PRKG1: variants seen among roughly 807,000 people sequenced by gnomAD.
PRKG1 encodes the protein cGMP-dependent protein kinase 1.
Under a neutral mutation model 88.1 loss-of-function variants are expected in PRKG1, and 35 were observed. The observed-to-expected ratio is 0.40, with a 90% CI of 0.30 to 0.53. The LOEUF (loss-of-function observed/expected upper bound fraction) is 0.53, where lower values mean the gene tolerates loss of function less well. Among genes scored for constraint, PRKG1 ranks in the 20% least tolerant of loss-of-function variants. PRKG1 has a pLI of 0.59. For synonymous variants in PRKG1, 303 were observed against 292.5 expected, an observed-to-expected ratio of 1.04 and a Z score of -0.37; for missense variants, 540 against 839.8, an observed-to-expected ratio of 0.64 and a Z score of 4.41.
At chr10:51,094,608 A>G (rs1844485250) in intron 1 of PRKG1, among the ~76,000 whole-genome samples, 1 of 152,030 alleles carries the variant, frequency 6.6e-6, no homozygotes, top group Non-Finnish European at 1.5e-5. Context: ...GGATTCTGTA[A>G]CATCCACTGG....
intron 2 of PRKG1, among the ~76,000 whole-genome samples, chr10:51,441,061 A>C (rs1839090827): frequency 6.6e-6 from 1 of 151,966 alleles, no homozygotes; most frequent in Admixed American, 6.6e-5. Context: ...ATTCTTTGTA[A>C]CTTTATCCTT....
intron 1 of PRKG1, among the ~76,000 whole-genome samples, chr10:51,144,367 G>A (rs890657257): frequency 1.3e-5 from 2 of 151,902 alleles, no homozygotes; most frequent in African/African-American, 4.8e-5. Flanking sequence ...GTGCAACATT[G>A]GACAATTTAT....
At position 52,088,548 on chromosome 10, in the gene PRKG1, T is replaced by G. The variant is rs151173841; in HGVS notation, c.935+25917T>G. Among the ~76,000 whole-genome samples the G allele has an allele frequency of 9.5e-4, 144 of 152,224 alleles. 2 individuals are homozygous for G. Among genetic ancestry groups the G allele is most frequent in the Admixed American group, 2.0e-3 (31 of 15,266 alleles). ...TAGCAGGGACTTTTTGCCTTCTATC[T>G]CCTGTGCTGTGTGTGAACACAGCGT... On this transcript the variant is annotated intron_variant, in intron 7 of 17. Transcript: ENST00000373980.
At chr10:51,144,442 G>C (rs574241689) in intron 1 of PRKG1, among the ~76,000 whole-genome samples, 1 of 152,034 alleles carries the variant, frequency 6.6e-6, no homozygotes, top group South Asian at 2.1e-4. Context: ...ATGAGGGAAG[G>C]CTCTTTGTAC....
chr10:51,308,886 C>T (rs1841107952), intron 2 of PRKG1, among the ~76,000 whole-genome samples: 1 of 152,008 alleles, frequency 6.6e-6, no homozygotes, highest in Admixed American at 6.6e-5. Context: ...GAGCTGAGAC[C>T]TTTGAGGAGG....
At chr10:51,980,785 CTAAAA>C (rs1187857427) in intron 5 of PRKG1, among the ~76,000 whole-genome samples, 1 of 152,096 alleles carries the variant, frequency 6.6e-6, no homozygotes, top group Non-Finnish European at 1.5e-5. Flanking sequence ...TCTGTTTTGT[CTAAAA>C]TTAGTATTGC....
intron 7 of PRKG1, among the ~76,000 whole-genome samples, chr10:52,100,228 G>A (rs1205597850): frequency 6.6e-6 from 1 of 152,138 alleles, no homozygotes; most frequent in African/African-American, 2.4e-5. Context: ...GGAAGGGCTT[G>A]CTAGTATATT....
At chr10:51,769,052 C>A (rs965482865) in intron 3 of PRKG1, among the ~76,000 whole-genome samples, 2 of 152,166 alleles carry the variant, frequency 1.3e-5, no homozygotes, top group Non-Finnish European at 2.9e-5. Context: ...CTTTCACAAA[C>A]AACTGTTTGT....
At chr10:51,029,245 C>T (rs1341030569) in intron 1 of PRKG1, among the ~76,000 whole-genome samples, 1 of 152,162 alleles carries the variant, frequency 6.6e-6, no homozygotes, top group African/African-American at 2.4e-5. Flanking sequence ...ACTGCACCAA[C>T]ATTCATCACT....
chr10:51,104,307 G>T, intron 1 of PRKG1, among the ~76,000 whole-genome samples: 1 of 152,164 alleles, frequency 6.6e-6, no homozygotes, highest in East Asian at 1.9e-4. Flanking sequence ...GTTGTAACAA[G>T]CCTTATGGAA....
At chr10:51,896,941 G>A (rs775575167) in intron 4 of PRKG1, among the ~76,000 whole-genome samples, 1 of 152,152 alleles carries the variant, frequency 6.6e-6, no homozygotes, top group Non-Finnish European at 1.5e-5. Context: ...ATAATAGACA[G>A]CTATTAATAG....
At chr10:51,952,622 T>G (rs78428467) in intron 5 of PRKG1, among the ~76,000 whole-genome samples, 2,413 of 152,248 alleles carry the variant, frequency 0.016, 58 homozygotes, top group African/African-American at 0.055. Context: ...TTGTTCTTAG[T>G]GTAAATAATA....
chr10:51,762,859 C>T (rs1305510681), intron 3 of PRKG1, among the ~76,000 whole-genome samples: 1 of 152,154 alleles, frequency 6.6e-6, no homozygotes, highest in Non-Finnish European at 1.5e-5. Context: ...GATCTATATC[C>T]TCACAGTGAT....
At chr10:51,554,677 C>T (rs1837264032) in intron 3 of PRKG1, among the ~76,000 whole-genome samples, 1 of 127,002 alleles carries the variant, frequency 7.9e-6, no homozygotes, top group Non-Finnish European at 1.6e-5. Flanking sequence ...CTCTATTAGA[C>T]TATGTGCATT....
chr10:52,166,799 A>ATG (rs1554812264), intron 9 of PRKG1, among the ~76,000 whole-genome samples: 1 of 70,800 alleles, frequency 1.4e-5, no homozygotes, highest in Admixed American at 1.3e-4. Flanking sequence ...ATATATATAC[A>ATG]TATATATATG....
intron 5 of PRKG1, among the ~76,000 whole-genome samples, chr10:51,948,547 T>C (rs868417614): frequency 5.4e-4 from 37 of 69,032 alleles, no homozygotes; most frequent in Admixed American, 2.8e-3. Flanking sequence ...TGTGTGTGTG[T>C]GCGTGTGTGT....
chr10:51,219,446 A>C (rs1054614702), intron 2 of PRKG1, among the ~76,000 whole-genome samples: 1 of 152,108 alleles, frequency 6.6e-6, no homozygotes, highest in Non-Finnish European at 1.5e-5. Context: ...GCAGTGGCTC[A>C]CACCTGTAAT....
At chr10:52,038,121 A>G (rs371029525) in intron 5 of PRKG1, among the ~76,000 whole-genome samples, 8 of 152,182 alleles carry the variant, frequency 5.3e-5, no homozygotes, top group Non-Finnish European at 1.0e-4. Context: ...GGGGTCAAGC[A>G]GCATTGCAGA....
intron 3 of PRKG1, among the ~76,000 whole-genome samples, chr10:51,725,628 C>CTTTT (rs59354639): frequency 1.4e-5 from 2 of 145,090 alleles, no homozygotes; most frequent in African/African-American, 2.5e-5. Flanking sequence ...TTTTTCTTTT[C>CTTTT]TTTTTTTTTT....
Sources: allele counts gnomAD v4.1 joint callset (sites outside exome capture counted in the v4.1 genomes callset), GRCh38; gene constraint gnomAD v4.1.1; transcripts MANE v1.5; gene names NCBI Gene and HGNC (gene_info 2026-07-23, HGNC 2026-07-21).